PRTG: variants seen among roughly 807,000 people sequenced by gnomAD.
PRTG encodes protogenin.
PRTG carries 67 observed loss-of-function variants against 122.5 expected under a neutral mutation model. The observed-to-expected ratio is 0.55, with a 90% CI of 0.45 to 0.67. The LOEUF (loss-of-function observed/expected upper bound fraction) is 0.67. PRTG is among the 30% of genes least tolerant of loss of function. PRTG has a pLI of 0.00. For synonymous variants in PRTG, 554 were observed against 501.1 expected (o/e 1.11, Z -1.41); for missense variants, 1,435 against 1,415.4 (o/e 1.01, Z -0.22).
intron 2 of PRTG, among the ~76,000 whole-genome samples, chr15:55,700,925 TTAATA>T (rs1302224224): frequency 1.3e-5 from 2 of 152,090 alleles, no homozygotes; most frequent in Non-Finnish European, 2.9e-5. Flanking sequence ...CGCTCAAAAC[TTAATA>T]ATTAGAAAAC....
chr15:55,718,250 A>G (rs920787946), intron 2 of PRTG, among the ~76,000 whole-genome samples: 3 of 152,122 alleles, frequency 2.0e-5, no homozygotes, highest in Non-Finnish European at 4.4e-5. Flanking sequence ...TCCATCCTAC[A>G]AGATCTAAAT....
chr15:55,733,356 C>T (rs2031301721), intron 2 of PRTG, among the ~76,000 whole-genome samples: 2 of 150,694 alleles, frequency 1.3e-5, no homozygotes, highest in South Asian at 2.1e-4. Context: ...ACTAAAAATA[C>T]AAAATTAGCC....
rs1323571124 is a variant in PRTG at position 55,620,708 on chromosome 15, T to G, written c.3153A>C (p.Lys1051Asn). ...TTGAGTCTTGGAAAAAAAACCACTT[T>G]TTCTTAGAGTTGTTTTTAATTATAG... ...YGPIIKNNSK[K>N]KWFFFQDSKK... is the part of the protein sequence containing the mutation. Residue 1051 changes from lysine to asparagine, a missense_variant, in exon 19 of 20, where the codon AAA becomes AAC. Physicochemically the swap from Lys to Asn is moderately conservative, Grantham distance 94. Coordinates refer to ENST00000389286, the MANE Select transcript of PRTG (RefSeq NM_173814.6). The G allele has an allele frequency of 2.5e-6, 4 of 1,602,810 alleles. No homozygotes were observed. The African/African-American group carries it at 5.4e-5, about 22-fold the overall frequency.
chr15:55,726,404 C>T (rs2031031245), intron 2 of PRTG, among the ~76,000 whole-genome samples: 1 of 151,908 alleles, frequency 6.6e-6, no homozygotes, highest in African/African-American at 2.4e-5. Flanking sequence ...TCCAAAGACG[C>T]AAATAGATAG....
chr15:55,735,482 A>G (rs1028663375), intron 2 of PRTG, among the ~76,000 whole-genome samples: 1 of 152,078 alleles, frequency 6.6e-6, no homozygotes, highest in Non-Finnish European at 1.5e-5. Flanking sequence ...GACTTCATCA[A>G]TAGACCCAGC....
intron 4 of PRTG, chr15:55,681,499 T>G (rs1397076866): frequency 6.6e-6 from 1 of 152,116 alleles, no homozygotes; most frequent in African/African-American, 2.4e-5. Flanking sequence ...TCTCTCTAGT[T>G]TCCCTTCTAC....
At chr15:55,732,307 C>G (rs1469289146) in intron 2 of PRTG, among the ~76,000 whole-genome samples, 1 of 152,062 alleles carries the variant, frequency 6.6e-6, no homozygotes, top group African/African-American at 2.4e-5. Flanking sequence ...GCCTCAGCCT[C>G]CCGAGTAGCT....
rs150202366 is a variant in PRTG at position 55,739,418 on chromosome 15, G to C, written c.397+964C>G. 7.9e-5 allele frequency among the ~76,000 whole-genome samples: 12 copies of C among 152,186 alleles called. No homozygotes were observed. The East Asian group carries it at 2.3e-3, about 29-fold the overall frequency. ...AGCTAAGATTATGCCTTTATCTCAA[G>C]AATGCCATCTACCTATTGCTCAACT... On this transcript the variant is annotated intron_variant, in intron 2 of 19. Coordinates refer to ENST00000389286, the MANE Select transcript of PRTG (RefSeq NM_173814.6).
chr15:55,619,822 C>T lies in PRTG; in HGVS notation c.*190G>A, dbSNP rs772826300. The stretch of plus-strand genomic sequence containing the variant: ...CTTTGGTTCCCTGTTCATTGTCCTT[C>T]GAACAGATTTAATGGTGAGAATACC... On this transcript the variant is annotated 3_prime_UTR_variant, in exon 20 of 20. Transcript: ENST00000389286. 2.7e-5 allele frequency: 25 copies of T among 915,554 alleles called. No homozygotes were observed. The highest frequency in any genetic ancestry group is 2.1e-5 in the Non-Finnish European group (13 of 631,400). 56.7% of individuals were successfully genotyped at this position (915,554 alleles called of 1,614,324 possible). A position where few individuals can be genotyped will look rare whatever the true frequency, so the allele number is the denominator to read the frequency against.
In PRTG at chr15:55,678,023, A is replaced by C. The variant is rs763684633; in HGVS notation, c.1155T>G (p.Ile385Met). 11 of 1,593,966 alleles carry C rather than the reference A, an allele frequency of 6.9e-6. No individual in the cohort carries two copies. The South Asian group carries it at 1.1e-4, about 16-fold the overall frequency. The change falls in exon 8 of 20, where the codon ATT (isoleucine) becomes ATG (methionine). Residue 385 changes from isoleucine to methionine, a missense_variant. By Grantham distance (10) the Ile-to-Met change is conservative (BLOSUM62 1). Coordinates refer to ENST00000389286, the MANE Select transcript of PRTG (RefSeq NM_173814.6). Reference sequence around the variant, plus strand: ...GATAAATAGCATCATCTTCAGGAATAATCTGGTTAATTACCAATTTACTAG... The same window carrying C: ...GATAAATAGCATCATCTTCAGGAATCATCTGGTTAATTACCAATTTACTAG... ...MYNSKLVINQIIPEDDAIYQC... is the reference protein window; with the variant it reads ...MYNSKLVINQMIPEDDAIYQC...
chr15:55,695,712 C>G (rs948621022), intron 2 of PRTG, among the ~76,000 whole-genome samples: 7 of 152,316 alleles, frequency 4.6e-5, no homozygotes, highest in Non-Finnish European at 2.9e-5. Context: ...GGCGCAGCGG[C>G]TCATGCCTAT....
rs1280060444 is a variant in PRTG at position 55,738,020 on chromosome 15, A to G, written c.397+2362T>C. ...TCTCTCTCTATATATATATATATAT[A>G]TATATACACACACACACACACACAC... On this transcript the variant is annotated intron_variant, in intron 2 of 19. Transcript: ENST00000389286. 5.7e-4 allele frequency among the ~76,000 whole-genome samples: 67 copies of G among 118,224 alleles called. 3 individuals are homozygous for G. In the South Asian group the frequency reaches 0.017, roughly 30 times the overall value. 77.6% of individuals were successfully genotyped at this position (118,224 alleles called of 152,430 possible).
intron 2 of PRTG, among the ~76,000 whole-genome samples, chr15:55,691,893 C>T (rs919100248): frequency 2.0e-5 from 3 of 151,624 alleles, no homozygotes; most frequent in Non-Finnish European, 4.4e-5. Flanking sequence ...AAAAATTAGC[C>T]CAGTGTGGTG....
chr15:55,646,379 G>T (rs966047279), intron 11 of PRTG, among the ~76,000 whole-genome samples: 3 of 150,108 alleles, frequency 2.0e-5, no homozygotes, highest in Non-Finnish European at 4.4e-5. Flanking sequence ...ATGGAGTGCA[G>T]TGGCACGATC....
intron 15 of PRTG, 138 bp from the exon 16 acceptor site, chr15:55,629,142 T>C: frequency 1.9e-6 from 1 of 531,384 alleles, no homozygotes; most frequent in Non-Finnish European, 3.2e-6. Flanking sequence ...ATTTAGAAAA[T>C]AAAAATATAA....
intron 2 of PRTG, among the ~76,000 whole-genome samples, chr15:55,691,869 CA>C (rs1463082833): frequency 6.6e-6 from 1 of 150,826 alleles, no homozygotes; most frequent in Non-Finnish European, 1.5e-5. Context: ...CCCGTCTCTA[CA>C]AAAAAAAGTT....
intron 3 of PRTG, 46 bp from the exon 4 acceptor site, chr15:55,682,543 A>AC: frequency 2.4e-6 from 1 of 415,834 alleles, no homozygotes; most frequent in Non-Finnish European, 3.7e-6. Context: ...TAGATTTCAT[A>AC]TTTTATTTAT....
At chr15:55,738,002 CTA>C (rs1178371931) in intron 2 of PRTG, among the ~76,000 whole-genome samples, 2,050 of 96,376 alleles carry the variant, frequency 0.021, 58 homozygotes, top group African/African-American at 0.058. Flanking sequence ...CTCTCTCTCT[CTA>C]TATATATATA....
At chr15:55,738,067 T>A in intron 2 of PRTG, 1 of 73,962 alleles carries the variant, frequency 1.4e-5, no homozygotes, top group South Asian at 5.7e-4. Context: ...ACACTCTTCC[T>A]GTAAATATAT....
Sources: allele counts gnomAD v4.1 joint callset (sites outside exome capture counted in the v4.1 genomes callset), GRCh38; gene constraint gnomAD v4.1.1; transcripts MANE v1.5; gene names NCBI Gene and HGNC (gene_info 2026-07-23, HGNC 2026-07-21).